Variants in DSCAM observed in about 807,000 individuals in gnomAD.
DSCAM encodes the protein cell adhesion molecule DSCAM.
In DSCAM, 47 loss-of-function variants were observed where a neutral mutation model predicts 217.7. That is an observed-to-expected ratio of 0.22 (90% CI 0.17 to 0.28). DSCAM has a LOEUF of 0.28. Among genes scored for constraint, DSCAM ranks in the 10% least tolerant of loss-of-function variants. The probability of loss-of-function intolerance (pLI) is 1.00; values close to 1 mark genes in which losing one functional copy is unlikely to be tolerated. For missense variants in DSCAM, 2,080 were observed against 2,618.3 expected (o/e 0.79, Z 4.49); for synonymous variants, 1,056 against 1,015.3 (o/e 1.04, Z -0.76).
intron 9 of DSCAM, among the ~76,000 whole-genome samples, chr21:40,310,266 A>C (rs1448001700): frequency 6.6e-6 from 1 of 152,194 alleles, no homozygotes; most frequent in Non-Finnish European, 1.5e-5. Context: ...ATTATGATTT[A>C]ATTGGTGTAG....
At chr21:40,605,305 C>T (rs543944324) in intron 3 of DSCAM, among the ~76,000 whole-genome samples, 4 of 152,172 alleles carry the variant, frequency 2.6e-5, no homozygotes, top group Non-Finnish European at 4.4e-5. Flanking sequence ...CTCCAGATTG[C>T]AGACCAGTGG....
chr21:40,169,216 A>C (rs2090630100), intron 15 of DSCAM, among the ~76,000 whole-genome samples: 1 of 152,110 alleles, frequency 6.6e-6, no homozygotes, highest in Non-Finnish European at 1.5e-5. Flanking sequence ...TGGTTGAGGG[A>C]AGCCAGGTGA....
intron 27 of DSCAM, among the ~76,000 whole-genome samples, chr21:40,064,127 T>C (rs1029418277): frequency 4.0e-5 from 6 of 151,518 alleles, no homozygotes; most frequent in Non-Finnish European, 5.9e-5. Flanking sequence ...TATATATATA[T>C]ATATATGTGC....
In DSCAM at chr21:40,125,058, C is replaced by T. The variant is rs915080932; in HGVS notation, c.3563-730G>A. ...ACTACCTCAGCCATCAGAGACCCCACCCTCCCTCACCCTAGTCATTTTGTA... is the reference window on the plus strand; with the variant it reads ...ACTACCTCAGCCATCAGAGACCCCATCCTCCCTCACCCTAGTCATTTTGTA... On this transcript the variant is annotated intron_variant, in intron 19 of 32. Transcript: ENST00000400454. Among the ~76,000 whole-genome samples, 5 of 152,160 alleles carry T rather than the reference C, an allele frequency of 3.3e-5. 1 individual carries two copies. The highest frequency in any genetic ancestry group is 1.3e-4 in the Admixed American group (2 of 15,276).
At chr21:40,788,640 C>A (rs976693131) in intron 1 of DSCAM, among the ~76,000 whole-genome samples, 5 of 152,196 alleles carry the variant, frequency 3.3e-5, no homozygotes, top group Non-Finnish European at 7.3e-5. Flanking sequence ...ACCACTTTCT[C>A]CAAGTTCCAG....
At chr21:40,013,593 A>G (rs1476320917) in intron 32 of DSCAM, among the ~76,000 whole-genome samples, 1 of 152,110 alleles carries the variant, frequency 6.6e-6, no homozygotes, top group African/African-American at 2.4e-5. Flanking sequence ...GGAGGAGCTC[A>G]TTTTCCTACA....
chr21:40,683,050 C>T (rs977979485), intron 3 of DSCAM, among the ~76,000 whole-genome samples: 8 of 152,284 alleles, frequency 5.3e-5, no homozygotes, highest in South Asian at 2.1e-4. Context: ...TCCATCTGCA[C>T]GCCAGGATGA....
intron 3 of DSCAM, among the ~76,000 whole-genome samples, chr21:40,514,132 C>T (rs1032566716): frequency 6.6e-6 from 1 of 152,092 alleles, no homozygotes; most frequent in Non-Finnish European, 1.5e-5. Context: ...AAGCAACCTC[C>T]CAAAACAATT....
At chr21:40,543,812 T>C (rs2076560211) in intron 3 of DSCAM, among the ~76,000 whole-genome samples, 1 of 152,178 alleles carries the variant, frequency 6.6e-6, no homozygotes. Flanking sequence ...ATGACAACTA[T>C]TATTATTCAT....
chr21:40,667,088 G>T (rs919399056), intron 3 of DSCAM, among the ~76,000 whole-genome samples: 37 of 152,304 alleles, frequency 2.4e-4, no homozygotes, highest in African/African-American at 8.7e-4. Context: ...ACTTATCCAG[G>T]TTAACTCCCT....
At chr21:40,324,239 T>A (rs1436728371) in intron 8 of DSCAM, among the ~76,000 whole-genome samples, 2 of 148,234 alleles carry the variant, frequency 1.3e-5, no homozygotes, top group African/African-American at 5.0e-5. Context: ...AAAAAAATAA[T>A]TAAAATGTTT....
intron 19 of DSCAM, among the ~76,000 whole-genome samples, chr21:40,128,143 G>A (rs772790395): frequency 8.0e-5 from 12 of 150,528 alleles, no homozygotes; most frequent in Non-Finnish European, 1.3e-4. Flanking sequence ...ATCTATCAAC[G>A]TCTGTCTCCC....
At chr21:40,842,073 C>T (rs1001308098) in intron 1 of DSCAM, among the ~76,000 whole-genome samples, 2 of 152,164 alleles carry the variant, frequency 1.3e-5, no homozygotes, top group Non-Finnish European at 2.9e-5. Flanking sequence ...CCCTCGGTGG[C>T]GGCTGGGTTT....
At chr21:40,581,667 C>T (rs1010479493) in intron 3 of DSCAM, among the ~76,000 whole-genome samples, 1 of 152,138 alleles carries the variant, frequency 6.6e-6, no homozygotes, top group Admixed American at 6.5e-5. Context: ...TTTTGCCAGC[C>T]CAGCAGAAGC....
intron 3 of DSCAM, among the ~76,000 whole-genome samples, chr21:40,455,369 A>G (rs916065902): frequency 1.3e-5 from 2 of 152,184 alleles, no homozygotes; most frequent in African/African-American, 4.8e-5. Context: ...CTATCAGAAT[A>G]CTTGAAAGAA....
intron 2 of DSCAM, among the ~76,000 whole-genome samples, chr21:40,704,208 C>A (rs1601148035): frequency 6.6e-6 from 1 of 152,152 alleles, no homozygotes. Flanking sequence ...CTGACTATCC[C>A]CTGGAAACTA....
chr21:40,031,559 G>T (rs1238764216), intron 32 of DSCAM, among the ~76,000 whole-genome samples: 1 of 152,136 alleles, frequency 6.6e-6, no homozygotes, highest in African/African-American at 2.4e-5. Flanking sequence ...GAAGACATGA[G>T]ACAGGCAAAT....
chr21:40,163,070 AACACACACACACAC>A (rs3069756), intron 16 of DSCAM, among the ~76,000 whole-genome samples: 5 of 143,128 alleles, frequency 3.5e-5, no homozygotes, highest in African/African-American at 5.2e-5. Context: ...GACCATGGCA[AACACACACACACAC>A]ACACACACAC....
At chr21:40,805,955 G>A (rs1413517999) in intron 1 of DSCAM, among the ~76,000 whole-genome samples, 5 of 151,976 alleles carry the variant, frequency 3.3e-5, no homozygotes, top group African/African-American at 9.7e-5. Context: ...TGATCTGCCC[G>A]CCTCGGCCTC....
Sources: allele counts gnomAD v4.1 joint callset (sites outside exome capture counted in the v4.1 genomes callset), GRCh38; gene constraint gnomAD v4.1.1; transcripts MANE v1.5; gene names NCBI Gene and HGNC (gene_info 2026-07-23, HGNC 2026-07-21).